Variants in RUSF1 observed in about 807,000 individuals in gnomAD.
RUSF1 encodes RUS family member 1.
RUSF1 carries 58 observed loss-of-function variants against 63.0 expected under a neutral mutation model. The observed-to-expected ratio is 0.92, with a 90% CI of 0.75 to 1.15. RUSF1 has a LOEUF of 1.15. RUSF1 is among the 50% of genes most tolerant of loss of function. RUSF1 has a pLI of 0.00. For synonymous variants in RUSF1, 274 were observed against 255.8 expected, an observed-to-expected ratio of 1.07 and a Z score of -0.68; for missense variants, 652 against 611.0, an observed-to-expected ratio of 1.07 and a Z score of -0.71.
At position 31,489,491 on chromosome 16, in the gene RUSF1, T is replaced by C. The variant is rs2142634401; in HGVS notation, c.*1344A>G. 1.4e-6 allele frequency: 1 copy of C among 702,116 alleles called. No individual in the cohort carries two copies. Among genetic ancestry groups the C allele is most frequent in the Non-Finnish European group, 2.5e-6 (1 of 404,228 alleles). The allele number at this position is 702,116 out of a possible 1,614,324, so 43.5% of individuals were successfully genotyped here. Reference sequence around the variant, plus strand: ...CAGTTGCAATTGCCGAGCAAGAATTTTTATTTAAATACATTTATTTGAACC... The same window carrying C: ...CAGTTGCAATTGCCGAGCAAGAATTCTTATTTAAATACATTTATTTGAACC... On this transcript the variant is annotated 3_prime_UTR_variant, in exon 13 of 13. Coordinates refer to ENST00000327237, the MANE Select transcript of RUSF1 (RefSeq NM_022744.4).
chr16:31,494,242 G>A (rs1035707177), intron 6 of RUSF1, among the ~76,000 whole-genome samples: 3 of 151,760 alleles, frequency 2.0e-5, no homozygotes, highest in African/African-American at 7.3e-5. Context: ...AAAATTTGGT[G>A]GGGCATAGTG....
chr16:31,502,580 C>T (rs897072656), intron 2 of RUSF1, among the ~76,000 whole-genome samples: 2 of 152,230 alleles, frequency 1.3e-5, no homozygotes, highest in Admixed American at 1.3e-4. Flanking sequence ...CCCTCTCTCA[C>T]GGCCAGCATC....
intron 9 of RUSF1, 76 bp downstream of exon 9, chr16:31,493,391 G>T: frequency 6.6e-7 from 1 of 1,513,656 alleles, no homozygotes; most frequent in Non-Finnish European, 9.0e-7. Context: ...GGCCTTGCCA[G>T]GGAGGCCAGT....
At chr16:31,500,055 C>T (rs1423385103) in intron 3 of RUSF1, among the ~76,000 whole-genome samples, 2 of 152,152 alleles carry the variant, frequency 1.3e-5, no homozygotes, top group Non-Finnish European at 2.9e-5. Context: ...TTACACAACA[C>T]CGTGGACGGC....
At chr16:31,493,088 C>T in intron 9 of RUSF1, 40 bp from the exon 10 acceptor site, 1 of 1,595,022 alleles carries the variant, frequency 6.3e-7, no homozygotes, top group Non-Finnish European at 8.6e-7. Flanking sequence ...TGGAGGACAG[C>T]AAAGGCAGGC....
At position 31,489,812 on chromosome 16, in the gene RUSF1, A is replaced by T. The variant is rs2082544547; in HGVS notation, c.*1023T>A. 1 of 469,692 alleles carries T rather than the reference A, an allele frequency of 2.1e-6. No individual in the cohort carries two copies. The highest frequency in any genetic ancestry group is 2.0e-5 in the African/African-American group (1 of 50,774). 29.1% of individuals were successfully genotyped at this position (469,692 alleles called of 1,614,324 possible). A position where few individuals can be genotyped will look rare whatever the true frequency, so the allele number is the denominator to read the frequency against. The stretch of plus-strand genomic sequence containing the variant: ...ACAGGCACAGAACACTGTGAGCAGG[A>T]CTGCCAGGCCAGTGTCACAAGCGCT... On this transcript the variant is annotated 3_prime_UTR_variant, in exon 13 of 13. Transcript: ENST00000327237.
chr16:31,490,321 C>T lies in RUSF1; in HGVS notation c.*514G>A, dbSNP rs61746400. On this transcript the variant is annotated 3_prime_UTR_variant, in exon 13 of 13. Transcript: ENST00000327237. ...CAATTTCCCTCAGAGCCCCAGGCCCCGGCACCAAGCCTCTTCCGCCAGTGC... is the reference window on the plus strand; with the variant it reads ...CAATTTCCCTCAGAGCCCCAGGCCCTGGCACCAAGCCTCTTCCGCCAGTGC... 1.1e-3 allele frequency: 1,748 copies of T among 1,611,982 alleles called. 20 individuals are homozygous for T. In the African/African-American group the frequency reaches 0.021, roughly 19 times the overall value.
intron 2 of RUSF1, among the ~76,000 whole-genome samples, chr16:31,501,751 G>A (rs185203730): frequency 6.6e-6 from 1 of 152,106 alleles, no homozygotes; most frequent in Admixed American, 6.5e-5. Flanking sequence ...TCTCTGCCAG[G>A]TACTTCATGA....
At chr16:31,493,306 C>T (rs1485105688) in intron 9 of RUSF1, 161 bp downstream of exon 9, 1 of 1,012,282 alleles carries the variant, frequency 9.9e-7, no homozygotes, top group African/African-American at 1.6e-5. Context: ...TGTTATACAC[C>T]CTTTCCTTCC....
At chr16:31,503,533 T>C (rs1215885999) in intron 2 of RUSF1, among the ~76,000 whole-genome samples, 1 of 152,214 alleles carries the variant, frequency 6.6e-6, no homozygotes, top group Non-Finnish European at 1.5e-5. Flanking sequence ...GACAGGTAAC[T>C]GAAAATGATC....
At chr16:31,500,233 G>C (rs936058986) in intron 3 of RUSF1, among the ~76,000 whole-genome samples, 1 of 152,138 alleles carries the variant, frequency 6.6e-6, no homozygotes, top group South Asian at 2.1e-4. Flanking sequence ...GAGGGAATGG[G>C]AATATTCTTG....
intron 3 of RUSF1, among the ~76,000 whole-genome samples, chr16:31,500,197 C>T (rs1465962931): frequency 1.3e-5 from 2 of 152,138 alleles, no homozygotes; most frequent in African/African-American, 2.4e-5. Context: ...CAGCATTAGG[C>T]CCGAGTCTCA....
chr16:31,498,408 A>C (rs1173438074), intron 5 of RUSF1, among the ~76,000 whole-genome samples: 1 of 152,194 alleles, frequency 6.6e-6, no homozygotes, highest in Non-Finnish European at 1.5e-5. Flanking sequence ...AAGGAAGCTA[A>C]ATGTCCTCTA....
chr16:31,506,578 T>TC (rs1227355386), intron 2 of RUSF1, among the ~76,000 whole-genome samples: 6 of 152,176 alleles, frequency 3.9e-5, no homozygotes, highest in African/African-American at 1.4e-4. Context: ...AGTCAGGAGT[T>TC]CGAGACCAGC....
chr16:31,490,472 G>A lies in RUSF1; in HGVS notation c.*363C>T. The A allele has an allele frequency of 6.2e-7, 1 of 1,613,994 alleles. No homozygotes were observed. Among genetic ancestry groups the A allele is most frequent in the Non-Finnish European group, 8.5e-7 (1 of 1,180,004 alleles). On this transcript the variant is annotated 3_prime_UTR_variant, in exon 13 of 13. Coordinates refer to ENST00000327237, the MANE Select transcript of RUSF1 (RefSeq NM_022744.4). ...GCGAGGACCCGAGCTGGGCCCGTGT[G>A]GTCAACCTCAATGCCCTGCTCATGA...
intron 12 of RUSF1, 66 bp from the exon 13 acceptor site, chr16:31,490,998 G>C (rs2082563338): frequency 5.9e-6 from 9 of 1,514,414 alleles, no homozygotes; most frequent in African/African-American, 1.4e-5. Context: ...GCACAGGCTG[G>C]GTGCAGGCTT....
At chr16:31,498,262 A>G (rs1287338717) in intron 5 of RUSF1, among the ~76,000 whole-genome samples, 1 of 152,186 alleles carries the variant, frequency 6.6e-6, no homozygotes, top group East Asian at 1.9e-4. Context: ...TGGACAGATG[A>G]AGAGACTGAA....
chr16:31,507,793 G>T lies in RUSF1; in HGVS notation c.386C>A (p.Ser129Ter). Residue 129 changes from serine (S) to a stop codon, truncating the protein, a stop_gained, in exon 2 of 13, where the codon TCA becomes TAA. Coordinates refer to ENST00000327237, the MANE Select transcript of RUSF1 (RefSeq NM_022744.4). LOFTEE classifies it high-confidence loss of function. Reference protein sequence around the residue: ...IGVGNAKATVSAATATWLVKD... With the variant: ...IGVGNAKATV Reference sequence around the variant, plus strand: ...CACGAGCCAGGTGGCCGTGGCAGCTGAAACAGTGGCTTTTGCGTTCCCCAC... The same window carrying T: ...CACGAGCCAGGTGGCCGTGGCAGCTTAAACAGTGGCTTTTGCGTTCCCCAC... 6.4e-7 allele frequency: 1 copy of T among 1,574,124 alleles called. No homozygotes were observed. Among genetic ancestry groups the T allele is most frequent in the Non-Finnish European group, 8.6e-7 (1 of 1,159,324 alleles).
intron 5 of RUSF1, among the ~76,000 whole-genome samples, chr16:31,497,548 G>C (rs1442686646): frequency 6.6e-6 from 1 of 150,914 alleles, no homozygotes; most frequent in Non-Finnish European, 1.5e-5. Flanking sequence ...TGTTGCCCAG[G>C]CGGGCCTGGA....
Sources: gnomAD v4.1 joint callset for allele counts (sites outside exome capture counted in the v4.1 genomes callset) on GRCh38, gnomAD v4.1.1 for gene constraint, MANE v1.5 for transcripts, NCBI Gene and HGNC (gene_info 2026-07-23, HGNC 2026-07-21) for gene names.